The following DLC1 variants were observed in gnomAD, a reference collection of about 807,000 sequenced individuals.
DLC1 encodes DLC1 Rho GTPase activating protein.
A neutral mutation model predicts 140.3 loss-of-function variants in DLC1; 54 were observed. The observed-to-expected ratio is 0.38, with a 90% CI of 0.31 to 0.48. DLC1 has a LOEUF of 0.48. Ranked by LOEUF, DLC1 falls within the 20% of genes least tolerant of loss-of-function variation. The pLI is 0.96. For missense variants in DLC1, 2,536 were observed against 1,907.0 expected (o/e 1.33, Z -6.14); for synonymous variants, 986 against 728.1 (o/e 1.35, Z -5.70).
chr8:13,347,637 A>T (rs200690211), intron 4 of DLC1, among the ~76,000 whole-genome samples: 1 of 152,192 alleles, frequency 6.6e-6, no homozygotes, highest in African/African-American at 2.4e-5. Flanking sequence ...AAGTGGCTGT[A>T]GTTTTTTTCT....
chr8:13,506,606 T>C (rs1237000242), intron 1 of DLC1, among the ~76,000 whole-genome samples: 3 of 132,470 alleles, frequency 2.3e-5, no homozygotes, highest in African/African-American at 8.8e-5. Context: ...TATATATATA[T>C]ATACACATAT....
chr8:13,418,277 G>T (rs1429818800), intron 2 of DLC1, among the ~76,000 whole-genome samples: 1 of 152,144 alleles, frequency 6.6e-6, no homozygotes. Flanking sequence ...TTTTAGACAT[G>T]AAGTCCTTGC....
At chr8:13,129,082 T>A (rs1195757473) in intron 5 of DLC1, among the ~76,000 whole-genome samples, 1 of 152,194 alleles carries the variant, frequency 6.6e-6, no homozygotes, top group African/African-American at 2.4e-5. Flanking sequence ...GGAGCCCTTC[T>A]CAGCTGGGAA....
intron 1 of DLC1, among the ~76,000 whole-genome samples, chr8:13,594,332 C>T (rs1805617807): frequency 6.6e-6 from 1 of 152,064 alleles, no homozygotes; most frequent in South Asian, 2.1e-4. Flanking sequence ...ATGCAGCCTA[C>T]TTCGCTCTGT....
rs1817316503 is a variant in DLC1, at chr8:13,083,591, A to G, written c.*2220T>C. 6.6e-6 allele frequency: 1 copy of G among 152,606 alleles called. No homozygotes were observed. Among genetic ancestry groups the G allele is most frequent in the African/African-American group, 2.4e-5 (1 of 41,426 alleles). 9.5% of individuals were successfully genotyped at this position (152,606 alleles called of 1,614,324 possible). On this transcript the variant is annotated 3_prime_UTR_variant, in exon 18 of 18. Coordinates refer to ENST00000276297, the MANE Select transcript of DLC1 (RefSeq NM_182643.3). Reference sequence around the variant, plus strand: ...TCTCTTGTCAAATTAAACAGTGGGAAAGAGAACTTTTGTGGCATTCACTGG... The same window carrying G: ...TCTCTTGTCAAATTAAACAGTGGGAGAGAGAACTTTTGTGGCATTCACTGG...
At chr8:13,178,838 G>A (rs1191644201) in intron 5 of DLC1, among the ~76,000 whole-genome samples, 2 of 152,070 alleles carry the variant, frequency 1.3e-5, no homozygotes, top group Non-Finnish European at 2.9e-5. Context: ...ACTTCTAGTA[G>A]GAGTATAAAT....
intron 5 of DLC1, among the ~76,000 whole-genome samples, chr8:13,212,399 T>G (rs1353605935): frequency 1.3e-5 from 2 of 152,198 alleles, no homozygotes; most frequent in Non-Finnish European, 1.5e-5. Context: ...TCTGCTAGGT[T>G]TCATGAGGAC....
chr8:13,099,481 C>T lies in DLC1; in HGVS notation c.2856G>A (p.Leu952=), dbSNP rs374537448. The T allele has an allele frequency of 8.7e-6, 14 of 1,613,990 alleles. No homozygotes were observed. The highest frequency in any genetic ancestry group is 1.2e-5 in the Non-Finnish European group (14 of 1,180,028). Residue 952 remains leucine, a synonymous_variant, in exon 9 of 18, where the codon CTG becomes CTA. Coordinates refer to ENST00000276297, the MANE Select transcript of DLC1 (RefSeq NM_182643.3). Reference sequence around the variant, plus strand: ...GTGTGGTTCGGTCGTTGTCCACATCCAGGTGTATCTGTTTTGGAGAGGACG... The same window carrying T: ...GTGTGGTTCGGTCGTTGTCCACATCTAGGTGTATCTGTTTTGGAGAGGACG... The part of the protein sequence containing the change: ...PCPSSPKQIH[L]DVDNDRTTPS...
chr8:13,158,708 G>C (rs1824433596), intron 5 of DLC1, among the ~76,000 whole-genome samples: 1 of 134,334 alleles, frequency 7.4e-6, no homozygotes. Flanking sequence ...TTTATTGCTA[G>C]AGTTAATGTT....
chr8:13,385,706 T>C (rs1836493140), intron 4 of DLC1, among the ~76,000 whole-genome samples: 1 of 152,204 alleles, frequency 6.6e-6, no homozygotes, highest in South Asian at 2.1e-4. Flanking sequence ...TGGTATGTGA[T>C]TGATTCAGCT....
At chr8:13,459,596 G>C (rs936464629) in intron 2 of DLC1, among the ~76,000 whole-genome samples, 1 of 152,170 alleles carries the variant, frequency 6.6e-6, no homozygotes, top group Non-Finnish European at 1.5e-5. Flanking sequence ...GGAGTGCACA[G>C]TGGTGAGCCC....
In DLC1 at chr8:13,500,708, G is replaced by A. The variant is rs138559027; in HGVS notation, c.-125-512C>T. ...ATTAGTGTGTGAAGGAGCTAACACC[G>A]AACCCAAACGACCAGTATGTAGTTA... On this transcript the variant is annotated intron_variant, in intron 1 of 17. Coordinates refer to ENST00000276297, the MANE Select transcript of DLC1 (RefSeq NM_182643.3). Among the ~76,000 whole-genome samples, 251 of 152,168 alleles carry A rather than the reference G, an allele frequency of 1.6e-3. 2 individuals carry two copies. The highest frequency in any genetic ancestry group is 5.8e-3 in the African/African-American group (241 of 41,506).
intron 5 of DLC1, among the ~76,000 whole-genome samples, chr8:13,206,212 C>G (rs1469236934): frequency 6.6e-6 from 1 of 152,192 alleles, no homozygotes; most frequent in Non-Finnish European, 1.5e-5. Flanking sequence ...ACATGTTCAT[C>G]TTGCCTTAGT....
At chr8:13,333,369 C>A (rs1671367) in intron 4 of DLC1, among the ~76,000 whole-genome samples, 2 of 151,926 alleles carry the variant, frequency 1.3e-5, no homozygotes, top group African/African-American at 2.4e-5. Context: ...GAGACTACAC[C>A]TGAGCACCAC....
chr8:13,098,413 C>G lies in DLC1; in HGVS notation c.3153G>C (p.Lys1051Asn). The G allele has an allele frequency of 5.6e-6, 9 of 1,613,882 alleles. No individual in the cohort carries two copies. Among genetic ancestry groups the G allele is most frequent in the Non-Finnish European group, 7.6e-6 (9 of 1,179,944 alleles). Residue 1051 changes from lysine (K) to asparagine (N), a missense_variant, in exon 10 of 18, where the codon AAG becomes AAC. Physicochemically the swap from Lys to Asn is moderately conservative, Grantham distance 94 (BLOSUM62 0). Transcript: ENST00000276297. ...TAAACTCTTACCAGCTAAAACCATG[C>G]TTGTTAGAAGGTGTGTATTTCTCCA... ...ALLEKYTPSN[K>N]HGFSWAVPKF...
rs1367862150 is a variant in DLC1, at chr8:13,486,227, C to G, written c.1023+12822G>C. 3.3e-5 allele frequency among the ~76,000 whole-genome samples: 5 copies of G among 152,016 alleles called. No homozygotes were observed. The East Asian group carries it at 9.6e-4, about 29-fold the overall frequency. On this transcript the variant is annotated intron_variant, in intron 2 of 17. Coordinates refer to ENST00000276297, the MANE Select transcript of DLC1 (RefSeq NM_182643.3). ...AAATTTTTATTGCAAAACTAGAAAC[C>G]AGGAGAAACGTAGAAAAAACAAAGC...
chr8:13,463,235 G>A (rs1038803337), intron 2 of DLC1, among the ~76,000 whole-genome samples: 3 of 152,028 alleles, frequency 2.0e-5, no homozygotes, highest in Non-Finnish European at 2.9e-5. Flanking sequence ...TGCAGTTCTT[G>A]TGGGAATATG....
At chr8:13,267,132 A>T (rs993557816) in intron 5 of DLC1, among the ~76,000 whole-genome samples, 4 of 152,272 alleles carry the variant, frequency 2.6e-5, no homozygotes, top group Non-Finnish European at 5.9e-5. Context: ...GCCTGAAATT[A>T]CATGTTCAAA....
chr8:13,430,541 T>A (rs1413544161), intron 2 of DLC1, among the ~76,000 whole-genome samples: 4 of 152,182 alleles, frequency 2.6e-5, no homozygotes, highest in Non-Finnish European at 5.9e-5. Context: ...TAGGTTATAT[T>A]TTGTGGTGGT....
Sources: gnomAD v4.1 joint callset for allele counts (sites outside exome capture counted in the v4.1 genomes callset) on GRCh38, gnomAD v4.1.1 for gene constraint, MANE v1.5 for transcripts, NCBI Gene and HGNC (gene_info 2026-07-23, HGNC 2026-07-21) for gene names.